GALNT14: variants seen among roughly 807,000 people sequenced by gnomAD.
GALNT14 encodes polypeptide N-acetylgalactosaminyltransferase 14.
GALNT14 carries 60 observed loss-of-function variants against 77.5 expected under a neutral mutation model. The observed-to-expected ratio is 0.77, with a 90% CI of 0.63 to 0.96. The LOEUF is 0.96. Among genes scored for constraint, GALNT14 ranks in the 40% least tolerant of loss-of-function variants. The pLI, the probability that GALNT14 is intolerant of heterozygous loss-of-function variation, is 0.00. For synonymous variants in GALNT14, 280 were observed against 281.7 expected, an observed-to-expected ratio of 0.99 and a Z score of 0.06; for missense variants, 710 against 731.0, an observed-to-expected ratio of 0.97 and a Z score of 0.33.
chr2:30,918,114 C>A (rs1404507003), intron 13 of GALNT14, among the ~76,000 whole-genome samples: 1 of 152,224 alleles, frequency 6.6e-6, no homozygotes, highest in African/African-American at 2.4e-5. Context: ...CTAGACACAC[C>A]TCCTTCCATT....
chr2:31,112,840 T>A (rs1677911803), intron 1 of GALNT14, among the ~76,000 whole-genome samples: 1 of 152,206 alleles, frequency 6.6e-6, no homozygotes. Context: ...TGGAATCTTA[T>A]CCCCATGTGC....
At chr2:31,133,898 T>G (rs977182895) in intron 1 of GALNT14, among the ~76,000 whole-genome samples, 2 of 152,174 alleles carry the variant, frequency 1.3e-5, no homozygotes, top group East Asian at 1.9e-4. Flanking sequence ...AAAGTCAAAT[T>G]TAAAGAACTC....
chr2:31,115,988 T>C (rs151318054), intron 1 of GALNT14, among the ~76,000 whole-genome samples: 3 of 152,330 alleles, frequency 2.0e-5, no homozygotes, highest in African/African-American at 4.8e-5. Context: ...ACCACTGCAC[T>C]CTACCCTGGG....
chr2:30,986,552 A>T (rs556857193), intron 2 of GALNT14, among the ~76,000 whole-genome samples: 1 of 152,330 alleles, frequency 6.6e-6, no homozygotes, highest in Non-Finnish European at 1.5e-5. Flanking sequence ...TCAATGCTTT[A>T]TGTATTGAAA....
At chr2:31,130,839 G>T (rs1053245478) in intron 1 of GALNT14, among the ~76,000 whole-genome samples, 1 of 145,418 alleles carries the variant, frequency 6.9e-6, no homozygotes, top group African/African-American at 2.6e-5. Flanking sequence ...CATGTTCTTC[G>T]GTATCCCAAA....
Position 31,035,586 on chromosome 2 carries a change from TATAC to T in GALNT14, c.130-42583_130-42580del, listed in dbSNP as rs1209860579. 2.8e-4 allele frequency among the ~76,000 whole-genome samples: 36 copies of T among 129,892 alleles called. 1 individual carries two copies. The highest frequency in any genetic ancestry group is 1.0e-3 in the African/African-American group (32 of 30,900). The allele number at this position is 129,892 out of a possible 152,430, so 85.2% of individuals were successfully genotyped here. A position where few individuals can be genotyped will look rare whatever the true frequency, so the allele number is the denominator to read the frequency against. ...GTGTGTGTATGTGTGTGTGTGTGTG[TATAC>T]ATATACATATACACACACACACACA... On this transcript the variant is annotated intron_variant, in intron 1 of 14. Transcript: ENST00000349752.
chr2:31,027,101 G>T (rs1672106083), intron 1 of GALNT14, among the ~76,000 whole-genome samples: 1 of 152,316 alleles, frequency 6.6e-6, no homozygotes, highest in Non-Finnish European at 1.5e-5. Flanking sequence ...CAGGTATGAT[G>T]AGAAACTAGG....
intron 1 of GALNT14, chr2:31,129,263 A>G (rs1486350128): frequency 7.1e-6 from 4 of 562,162 alleles, no homozygotes. Flanking sequence ...AACGAGAATA[A>G]TAATAACACT....
chr2:30,982,761 A>G (rs1669064244), intron 2 of GALNT14, among the ~76,000 whole-genome samples: 1 of 152,242 alleles, frequency 6.6e-6, no homozygotes, highest in Non-Finnish European at 1.5e-5. Flanking sequence ...AAAATTCTTC[A>G]AGATATACCT....
chr2:31,023,408 C>G (rs1178539383), intron 1 of GALNT14, among the ~76,000 whole-genome samples: 2 of 152,070 alleles, frequency 1.3e-5, no homozygotes, highest in Non-Finnish European at 2.9e-5. Flanking sequence ...TCAAAGCTCC[C>G]CTCTCTGCTG....
At chr2:31,073,599 T>G (rs1183662278) in intron 1 of GALNT14, among the ~76,000 whole-genome samples, 1 of 151,994 alleles carries the variant, frequency 6.6e-6, no homozygotes, top group East Asian at 1.9e-4. Context: ...TGCTGTGGGT[T>G]TAAGGACCAG....
At chr2:31,097,270 G>A (rs1274181482) in intron 1 of GALNT14, among the ~76,000 whole-genome samples, 1 of 152,122 alleles carries the variant, frequency 6.6e-6, no homozygotes. Flanking sequence ...AAGTCTTTGA[G>A]GCACAGTGGA....
At position 31,044,609 on chromosome 2, in the gene GALNT14, A is replaced by G. The variant is rs146707866; in HGVS notation, c.130-51602T>C. Among the ~76,000 whole-genome samples, 368 of 152,270 alleles carry G rather than the reference A, an allele frequency of 2.4e-3. 4 individuals are homozygous for G. Among genetic ancestry groups the G allele is most frequent in the African/African-American group, 8.7e-3 (361 of 41,546 alleles). On this transcript the variant is annotated intron_variant, in intron 1 of 14. Coordinates refer to ENST00000349752, the MANE Select transcript of GALNT14 (RefSeq NM_024572.4). The stretch of plus-strand genomic sequence containing the variant: ...CACTTGATCCCAAGTGCTTTTGGAT[A>G]GACAGAAGTATAGGGTAGCAGCTAT...
intron 1 of GALNT14, among the ~76,000 whole-genome samples, chr2:31,077,648 G>C (rs895813807): frequency 6.6e-6 from 1 of 152,158 alleles, no homozygotes; most frequent in African/African-American, 2.4e-5. Context: ...GACATTGAAA[G>C]TACCCAGAAG....
rs149431826 is a variant in GALNT14, at chr2:30,912,267, C to A, written c.1456G>T (p.Ala486Ser). ...CLSVITLFPG[A>S]PVVLVLCKNG... Reference sequence around the variant, plus strand: ...TTGCAAAGGACAAGAACCACTGGGGCGCCAGGGAACAAGGTGATGACTGAC... The same window carrying A: ...TTGCAAAGGACAAGAACCACTGGGGAGCCAGGGAACAAGGTGATGACTGAC... Residue 486 changes from alanine to serine, a missense_variant, in exon 14 of 15, where the codon GCC becomes TCC. Ala to Ser is a moderately conservative substitution (Grantham distance 99). Coordinates refer to ENST00000349752, the MANE Select transcript of GALNT14 (RefSeq NM_024572.4). 2 of 1,614,128 alleles carry A rather than the reference C, an allele frequency of 1.2e-6. No individual in the cohort carries two copies. The highest frequency in any genetic ancestry group is 3.3e-5 in the Admixed American group (2 of 60,012).
chr2:30,955,982 A>G lies in GALNT14; in HGVS notation c.467-5T>C. 1 of 1,614,204 alleles carries G rather than the reference A, an allele frequency of 6.2e-7. No homozygotes were observed. Among genetic ancestry groups the G allele is most frequent in the Non-Finnish European group, 8.5e-7 (1 of 1,180,020 alleles). On this transcript the variant is annotated splice_region_variant and splice_polypyrimidine_tract_variant and intron_variant, in intron 4 of 14. Transcript: ENST00000349752. ...TGAGCTGTTTACAGTCATCAGCTGC[A>G]AAGACAAAAGGTTAAGCCAATTGAG...
chr2:30,912,417 GGGTGTGATTAGCACA>G (rs1664424544), intron 13 of GALNT14, 75 bp from the exon 14 acceptor site: 1 of 1,543,248 alleles, frequency 6.5e-7, no homozygotes, highest in Admixed American at 1.8e-5. Context: ...CCACACTTAC[GGGTGTGATTAGCACA>G]GGCTGGTAAG....
At chr2:31,006,868 C>T (rs1197191907) in intron 1 of GALNT14, among the ~76,000 whole-genome samples, 1 of 152,212 alleles carries the variant, frequency 6.6e-6, no homozygotes, top group East Asian at 1.9e-4. Flanking sequence ...GAATTTGTTC[C>T]CCTCTCTTCT....
intron 2 of GALNT14, among the ~76,000 whole-genome samples, chr2:30,974,757 G>A (rs1409560838): frequency 6.6e-6 from 1 of 152,172 alleles, no homozygotes; most frequent in Non-Finnish European, 1.5e-5. Flanking sequence ...CAAGCACTGT[G>A]AAATTACTTT....
Sources: allele counts gnomAD v4.1 joint callset (sites outside exome capture counted in the v4.1 genomes callset), GRCh38; gene constraint gnomAD v4.1.1; transcripts MANE v1.5; gene names NCBI Gene and HGNC (gene_info 2026-07-23, HGNC 2026-07-21).